YLPM1: variants seen among roughly 807,000 people sequenced by gnomAD.
The protein encoded by YLPM1 is YLP motif containing 1.
Under a neutral mutation model 230.0 loss-of-function variants are expected in YLPM1, and 99 were observed. The ratio of observed to expected loss-of-function variants is 0.43; its 90% CI spans 0.37 to 0.51. YLPM1 has a LOEUF of 0.51. Among genes scored for constraint, YLPM1 ranks in the 20% least tolerant of loss-of-function variants. YLPM1 has a pLI of 0.00. For missense variants in YLPM1, 2,592 were observed against 2,707.7 expected (o/e 0.96, Z 0.95); for synonymous variants, 984 against 942.5 (o/e 1.04, Z -0.81).
chr14:74,778,680 C>A lies in YLPM1; in HGVS notation c.1107C>A (p.Pro369=). Reference sequence around the variant, plus strand: ...CACCTCCTCTCCCACCTGAGGAACCCCAGGTAACCATATAATTAATTGTTT... The same window carrying A: ...CACCTCCTCTCCCACCTGAGGAACCACAGGTAACCATATAATTAATTGTTT... ...EVPPPLPPEE[P]QSEDPEEDAR... The change falls in exon 2 of 21, where the codon CCC becomes CCA. Residue 369 remains proline, a synonymous_variant. Coordinates refer to ENST00000325680, the MANE Select transcript of YLPM1 (RefSeq NM_019589.3). 1 of 1,554,466 alleles carries A rather than the reference C, an allele frequency of 6.4e-7. No homozygotes were observed. Among genetic ancestry groups the A allele is most frequent in the Non-Finnish European group, 8.7e-7 (1 of 1,147,878 alleles).
chr14:74,804,705 G>A (rs2091359605), intron 6 of YLPM1, among the ~76,000 whole-genome samples: 1 of 152,034 alleles, frequency 6.6e-6, no homozygotes, highest in Non-Finnish European at 1.5e-5. Flanking sequence ...TTATTATGTT[G>A]CATTTTGAGT....
chr14:74,820,934 G>C (rs1253448296), intron 16 of YLPM1, 123 bp from the exon 17 acceptor site: 1 of 1,064,142 alleles, frequency 9.4e-7, no homozygotes, highest in Non-Finnish European at 1.2e-6. Context: ...AAAATTACTT[G>C]GTATGTAACA....
In YLPM1 at chr14:74,829,359, A is replaced by C. The variant is rs372385881; in HGVS notation, c.6294+16A>C. 43 of 1,612,230 alleles carry C rather than the reference A, an allele frequency of 2.7e-5. No homozygotes were observed. The African/African-American group carries it at 5.6e-4, about 21-fold the overall frequency. ...GAAGAAGAGGGTAAGAGACTTTGTC[A>C]ATAACTGCCAACAAATGAAGGGCCC... On this transcript the variant is annotated intron_variant, in intron 19 of 20. Transcript: ENST00000325680.
In YLPM1 at chr14:74,781,643, C is replaced by T. The variant is rs1429147125; in HGVS notation, c.1600C>T (p.Pro534Ser). The stretch of plus-strand genomic sequence containing the variant: ...GATGCCTCCACCTCTACCTACAATG[C>T]CCCCTCCAGTGTTGCCTCCTTCATT... ...SQMPPPLPTM[P>S]PPVLPPSLPP... Residue 534 changes from proline (P) to serine (S), a missense_variant, in exon 4 of 21, where the codon CCC (proline) becomes TCC (serine). Transcript: ENST00000325680. 3.1e-6 allele frequency: 5 copies of T among 1,613,140 alleles called. No homozygotes were observed. Among genetic ancestry groups the T allele is most frequent in the Non-Finnish European group, 4.2e-6 (5 of 1,179,698 alleles).
intron 9 of YLPM1, among the ~76,000 whole-genome samples, chr14:74,810,846 GTCTC>G (rs1268715508): frequency 6.6e-6 from 1 of 152,176 alleles, no homozygotes; most frequent in African/African-American, 2.4e-5. Flanking sequence ...TGGAGACGGG[GTCTC>G]TCTCAGTCTG....
intron 12 of YLPM1, 75 bp from the exon 13 acceptor site, chr14:74,816,496 C>T: frequency 6.6e-7 from 1 of 1,510,350 alleles, no homozygotes; most frequent in Non-Finnish European, 8.9e-7. Flanking sequence ...TATTTAGCCA[C>T]AAGAGGGAAC....
intron 16 of YLPM1, among the ~76,000 whole-genome samples, chr14:74,819,385 C>G (rs2091503496): frequency 6.6e-6 from 1 of 151,696 alleles, no homozygotes. Flanking sequence ...GGCGATTCTC[C>G]TGCCTCAGCC....
chr14:74,792,688 G>C (rs2091218560), intron 4 of YLPM1, among the ~76,000 whole-genome samples: 1 of 152,144 alleles, frequency 6.6e-6, no homozygotes, highest in Admixed American at 6.5e-5. Context: ...ACACATTTTA[G>C]ATATTACATA....
At position 74,799,380 on chromosome 14, in the gene YLPM1, T is replaced by C; in HGVS notation, c.4083T>C (p.Tyr1361=). ...AAGAAAGAAATCGAGAGCATGGGTA[T>C]GATCGAGATTTCCGTGATAGGGGTG... ...WREERNREHG[Y]DRDFRDRGEL... is the part of the protein sequence containing the mutation. The change falls in exon 5 of 21, where the codon TAT becomes TAC. Residue 1361 remains tyrosine, a synonymous_variant. Coordinates refer to ENST00000325680, the MANE Select transcript of YLPM1 (RefSeq NM_019589.3). 6.2e-7 allele frequency: 1 copy of C among 1,613,950 alleles called. No individual in the cohort carries two copies. Among genetic ancestry groups the C allele is most frequent in the Non-Finnish European group, 8.5e-7 (1 of 1,179,880 alleles).
At chr14:74,772,138 A>G (rs2090982618) in intron 1 of YLPM1, among the ~76,000 whole-genome samples, 1 of 152,190 alleles carries the variant, frequency 6.6e-6, no homozygotes, top group East Asian at 1.9e-4. Flanking sequence ...CTCCACTTGG[A>G]AAATCATTTA....
Position 74,836,795 on chromosome 14 carries a change from T to TTCC in YLPM1, c.*1060_*1062dup, listed in dbSNP as rs2091646380. 2 of 152,644 alleles carry TTCC rather than the reference T, an allele frequency of 1.3e-5. No individual in the cohort carries two copies. The highest frequency in any genetic ancestry group is 2.9e-5 in the Non-Finnish European group (2 of 68,040). The allele number at this position is 152,644 out of a possible 1,614,324, so 9.5% of individuals were successfully genotyped here. A position where few individuals can be genotyped will look rare whatever the true frequency, so the allele number is the denominator to read the frequency against. On this transcript the variant is annotated 3_prime_UTR_variant, in exon 21 of 21. Coordinates refer to ENST00000325680, the MANE Select transcript of YLPM1 (RefSeq NM_019589.3). ...GAAAGCATGGCCTTCTGCACAGAAT[T>TTCC]TCCTCTCTTGTGGTTAATACCAGGT...
Position 74,763,799 on chromosome 14 carries a change from C to T in YLPM1, c.310C>T (p.Pro104Ser), listed in dbSNP as rs763664957. 2.0e-6 allele frequency: 3 copies of T among 1,511,708 alleles called. No homozygotes were observed. Among genetic ancestry groups the T allele is most frequent in the Non-Finnish European group, 8.8e-7 (1 of 1,130,886 alleles). The allele number at this position is 1,511,708 out of a possible 1,614,324, so 93.6% of individuals were successfully genotyped here. A position where few individuals can be genotyped will look rare whatever the true frequency, so the allele number is the denominator to read the frequency against. Residue 104 changes from proline (P) to serine (S), a missense_variant, in exon 1 of 21, where the codon CCG becomes TCG. Around this residue, in one of 4 missense-constraint regions of YLPM1, gnomAD observed 1,862 missense variants for 1,819.8 expected, o/e 1.02. Coordinates refer to ENST00000325680, the MANE Select transcript of YLPM1 (RefSeq NM_019589.3). ...GGGYGDWQPP[P>S]PPMPPPPGPA... is the part of the protein sequence containing the mutation. ...CGGCTACGGAGACTGGCAGCCGCCA[C>T]CGCCACCGATGCCCCCGCCACCCGG...
chr14:74,782,109 T>G lies in YLPM1; in HGVS notation c.2066T>G (p.Leu689Trp). 2 of 1,613,906 alleles carry G rather than the reference T, an allele frequency of 1.2e-6. No individual in the cohort carries two copies. The highest frequency in any genetic ancestry group is 1.7e-6 in the Non-Finnish European group (2 of 1,179,860). ...CCACCGACAACTTACCATCCTCCGTTGCAATCAGCTGGTCCATCAGAACAA... is the reference window on the plus strand; with the variant it reads ...CCACCGACAACTTACCATCCTCCGTGGCAATCAGCTGGTCCATCAGAACAA... Reference protein sequence around the residue: ...SAPPTTYHPPLQSAGPSEQVN... With the variant: ...SAPPTTYHPPWQSAGPSEQVN... The change falls in exon 4 of 21, where the codon TTG (leucine) becomes TGG (tryptophan). Residue 689 changes from leucine to tryptophan, a missense_variant. Leu to Trp is a moderately conservative substitution (Grantham distance 61). Transcript: ENST00000325680.
chr14:74,796,419 A>G (rs140240234), intron 4 of YLPM1, among the ~76,000 whole-genome samples: 76 of 152,004 alleles, frequency 5.0e-4, no homozygotes, highest in African/African-American at 1.7e-3. Flanking sequence ...CTCATCTCCA[A>G]CTCATTCTGT....
intron 11 of YLPM1, among the ~76,000 whole-genome samples, chr14:74,814,229 C>T (rs1241206974): frequency 4.6e-5 from 7 of 152,134 alleles, no homozygotes; most frequent in Non-Finnish European, 1.0e-4. Flanking sequence ...GGCGTGGTGG[C>T]AGGCACCTGT....
Position 74,778,581 on chromosome 14 carries a change from A to G in YLPM1, c.1008A>G (p.Val336=). The change falls in exon 2 of 21, where the codon GTA becomes GTG. Residue 336 remains valine (V), a synonymous_variant. Coordinates refer to ENST00000325680, the MANE Select transcript of YLPM1 (RefSeq NM_019589.3). ...AGCCGGTAAAAGAAGAAGTTACAGT[A>G]CCTGCCACCAGTCAAGTTCCAGAAT... is the stretch of plus-strand genomic sequence containing the variant. The part of the protein sequence containing the change: ...TPEPVKEEVT[V]PATSQVPESP... The G allele has an allele frequency of 1.2e-6, 2 of 1,602,542 alleles. No individual in the cohort carries two copies. Among genetic ancestry groups the G allele is most frequent in the Non-Finnish European group, 1.7e-6 (2 of 1,174,912 alleles).
At chr14:74,818,829 A>C (rs2091499219) in intron 16 of YLPM1, among the ~76,000 whole-genome samples, 2 of 152,210 alleles carry the variant, frequency 1.3e-5, no homozygotes, top group African/African-American at 2.4e-5. Context: ...ATAGTTTCTC[A>C]GCCTTGTCAT....
At chr14:74,814,337 G>A (rs1033796080) in intron 11 of YLPM1, among the ~76,000 whole-genome samples, 7 of 152,200 alleles carry the variant, frequency 4.6e-5, no homozygotes, top group Non-Finnish European at 8.8e-5. Context: ...CTCCAGCCTG[G>A]GCGACAGAGC....
At chr14:74,831,367 C>T (rs2091607756) in intron 19 of YLPM1, among the ~76,000 whole-genome samples, 2 of 152,186 alleles carry the variant, frequency 1.3e-5, no homozygotes, top group South Asian at 4.1e-4. Context: ...CATTTGCACC[C>T]AGCCTCACCA....
Sources: allele counts gnomAD v4.1 joint callset (sites outside exome capture counted in the v4.1 genomes callset), GRCh38; gene constraint gnomAD v4.1.1; regional missense constraint gnomAD v4.1.1; transcripts MANE v1.5; gene names NCBI Gene and HGNC (gene_info 2026-07-23, HGNC 2026-07-21).